The following CNTN5 variants were observed in gnomAD, a reference collection of about 807,000 sequenced individuals.
CNTN5 encodes the protein contactin 5, also known as contactin-5.
Under a neutral mutation model 129.1 loss-of-function variants are expected in CNTN5, and 77 were observed. The observed-to-expected ratio is 0.60, with a 90% CI of 0.50 to 0.72. CNTN5 has a LOEUF of 0.72. Ranked by LOEUF, CNTN5 falls within the 30% of genes least tolerant of loss-of-function variation. CNTN5 has a pLI of 0.00. For missense variants in CNTN5, 1,478 were observed against 1,328.8 expected, an observed-to-expected ratio of 1.11 and a Z score of -1.75; for synonymous variants, 509 against 465.6, an observed-to-expected ratio of 1.09 and a Z score of -1.20.
intron 2 of CNTN5, among the ~76,000 whole-genome samples, chr11:99,337,829 A>G (rs1023979157): frequency 6.6e-6 from 1 of 151,160 alleles, no homozygotes; most frequent in Non-Finnish European, 1.5e-5. Context: ...GAATATTGAA[A>G]GTATAATGTC....
At chr11:99,614,881 T>G (rs1390183136) in intron 3 of CNTN5, among the ~76,000 whole-genome samples, 3 of 151,998 alleles carry the variant, frequency 2.0e-5, no homozygotes, top group African/African-American at 7.2e-5. Context: ...CTTATAATCC[T>G]TACGATGAAC....
chr11:100,319,122 A>T (rs1951630084), intron 21 of CNTN5, among the ~76,000 whole-genome samples: 1 of 150,452 alleles, frequency 6.6e-6, no homozygotes, highest in South Asian at 2.1e-4. Context: ...CCAAAAAAAC[A>T]CTATCCTGAC....
intron 2 of CNTN5, among the ~76,000 whole-genome samples, chr11:99,385,801 T>A (rs1212118903): frequency 6.6e-6 from 1 of 152,164 alleles, no homozygotes; most frequent in African/African-American, 2.4e-5. Flanking sequence ...CTTTCCACAG[T>A]GCATCCTGTA....
At chr11:100,064,455 ATTAAAG>A (rs1306263857) in intron 10 of CNTN5, among the ~76,000 whole-genome samples, 1 of 152,198 alleles carries the variant, frequency 6.6e-6, no homozygotes, top group East Asian at 1.9e-4. Flanking sequence ...TGGTAGTTAA[ATTAAAG>A]TTAAGATACA....
At chr11:100,317,215 C>T (rs1187087825) in intron 21 of CNTN5, among the ~76,000 whole-genome samples, 3 of 152,056 alleles carry the variant, frequency 2.0e-5, no homozygotes, top group African/African-American at 7.2e-5. Context: ...GAGAAGGAGA[C>T]AAAATAAATG....
chr11:99,727,100 A>C (rs1185103389), intron 3 of CNTN5, among the ~76,000 whole-genome samples: 2 of 150,392 alleles, frequency 1.3e-5, no homozygotes, highest in African/African-American at 4.9e-5. Flanking sequence ...AGGTCAGGAG[A>C]TCGAGACCAT....
chr11:99,683,032 G>A (rs920346975), intron 3 of CNTN5, among the ~76,000 whole-genome samples: 1 of 151,846 alleles, frequency 6.6e-6, no homozygotes, highest in African/African-American at 2.4e-5. Flanking sequence ...TGATCTGGAA[G>A]TATTTGTTAT....
intron 9 of CNTN5, among the ~76,000 whole-genome samples, chr11:100,035,546 A>G (rs1346729253): frequency 6.9e-6 from 1 of 145,226 alleles, no homozygotes; most frequent in African/African-American, 2.6e-5. Context: ...GAATCGCCAC[A>G]CTGACTTCCA....
intron 3 of CNTN5, among the ~76,000 whole-genome samples, chr11:99,679,640 T>G (rs1757561672): frequency 6.6e-6 from 1 of 152,184 alleles, no homozygotes; most frequent in Non-Finnish European, 1.5e-5. Flanking sequence ...TGGCCTTCCT[T>G]ATTCCCTAAG....
intron 3 of CNTN5, among the ~76,000 whole-genome samples, chr11:99,697,867 A>C (rs1591494720): frequency 6.6e-6 from 1 of 151,868 alleles, no homozygotes; most frequent in South Asian, 2.1e-4. Context: ...ATATGATTTA[A>C]AAGCAATCAT....
chr11:100,297,028 C>A (rs2138881470), intron 18 of CNTN5, among the ~76,000 whole-genome samples: 1 of 151,608 alleles, frequency 6.6e-6, no homozygotes, highest in East Asian at 1.9e-4. Context: ...CACATTTATT[C>A]TTTTAATAGT....
At chr11:100,284,391 A>G (rs1343643547) in intron 18 of CNTN5, among the ~76,000 whole-genome samples, 3 of 152,260 alleles carry the variant, frequency 2.0e-5, no homozygotes, top group African/African-American at 7.2e-5. Flanking sequence ...GATTAGATAG[A>G]TTGATAAATA....
At chr11:99,324,871 G>C (rs975874598) in intron 1 of CNTN5, among the ~76,000 whole-genome samples, 5 of 152,122 alleles carry the variant, frequency 3.3e-5, no homozygotes, top group African/African-American at 4.8e-5. Flanking sequence ...TCGATCTCCT[G>C]ACCTCGTGAT....
intron 3 of CNTN5, among the ~76,000 whole-genome samples, chr11:99,659,457 G>A (rs764634111): frequency 2.6e-4 from 39 of 152,216 alleles, no homozygotes; most frequent in Non-Finnish European, 4.4e-4. Flanking sequence ...AATACACTGC[G>A]TATCAATATA....
At chr11:99,493,816 G>C (rs1946125881) in intron 2 of CNTN5, among the ~76,000 whole-genome samples, 1 of 151,964 alleles carries the variant, frequency 6.6e-6, no homozygotes, top group Non-Finnish European at 1.5e-5. Flanking sequence ...CCTTACATGT[G>C]CTCTGTAACT....
intron 23 of CNTN5, among the ~76,000 whole-genome samples, chr11:100,348,337 C>T (rs1221532615): frequency 1.3e-5 from 2 of 151,968 alleles, no homozygotes; most frequent in African/African-American, 4.8e-5. Context: ...TATCTTTTTA[C>T]TTAGTAGATC....
intron 1 of CNTN5, among the ~76,000 whole-genome samples, chr11:99,083,784 C>T (rs1443849805): frequency 1.3e-5 from 2 of 152,056 alleles, no homozygotes; most frequent in African/African-American, 4.8e-5. Flanking sequence ...AGTGTTTAAA[C>T]TTCCACCCCA....
chr11:99,696,231 A>T (rs1323327300), intron 3 of CNTN5, among the ~76,000 whole-genome samples: 1 of 152,126 alleles, frequency 6.6e-6, no homozygotes, highest in Non-Finnish European at 1.5e-5. Context: ...TGTTTGCCAC[A>T]ATAGAGCTTC....
At chr11:99,471,680 A>T (rs1256303520) in intron 2 of CNTN5, among the ~76,000 whole-genome samples, 1 of 152,022 alleles carries the variant, frequency 6.6e-6, no homozygotes, top group African/African-American at 2.4e-5. Context: ...CATGAAAAGC[A>T]TGTGGAAACA....
Sources: allele counts gnomAD v4.1 joint callset (sites outside exome capture counted in the v4.1 genomes callset), GRCh38; gene constraint gnomAD v4.1.1; transcripts MANE v1.5; gene names NCBI Gene and HGNC (gene_info 2026-07-23, HGNC 2026-07-21).